Variants in ACAD11 observed in about 807,000 individuals in gnomAD.
ACAD11 encodes acyl-CoA dehydrogenase family member 11.
A neutral mutation model predicts 102.2 loss-of-function variants in ACAD11; 83 were observed. The ratio of observed to expected loss-of-function variants is 0.81; its 90% CI spans 0.68 to 0.97. The LOEUF (loss-of-function observed/expected upper bound fraction) is 0.97, where lower values mean the gene tolerates loss of function less well. Among genes scored for constraint, ACAD11 ranks in the 50% least tolerant of loss-of-function variants. The probability of loss-of-function intolerance (pLI) is 0.00; values close to 1 mark genes in which losing one functional copy is unlikely to be tolerated. For missense variants in ACAD11, 901 were observed against 951.7 expected (o/e 0.95, Z 0.70); for synonymous variants, 324 against 319.8 (o/e 1.01, Z -0.14).
rs375293560 is a variant in ACAD11, at chr3:132,583,019, G to GA, written c.1622-3462_1622-3461insT. ...TATTGGTCTAAAATTCTGTTTTTTT[G>GA]TTGTGTCTCTGCCAGGCTTTGGTAT... On this transcript the variant is annotated intron_variant, in intron 13 of 19. Coordinates refer to ENST00000264990, the MANE Select transcript of ACAD11 (RefSeq NM_032169.5). Among the ~76,000 whole-genome samples the GA allele has an allele frequency of 1.1e-3, 164 of 152,192 alleles. 1 individual carries two copies. The highest frequency in any genetic ancestry group is 3.8e-3 in the African/African-American group (156 of 41,550).
Position 132,558,830 on chromosome 3 carries a change from T to C in ACAD11, c.*141A>G, listed in dbSNP as rs1045430507. ...AAATAATAAAACCCACTGATCAAAA[T>C]AGATGCTATAATCTTTACCACAAAT... On this transcript the variant is annotated 3_prime_UTR_variant, in exon 20 of 20. Coordinates refer to ENST00000264990, the MANE Select transcript of ACAD11 (RefSeq NM_032169.5). 24 of 632,796 alleles carry C rather than the reference T, an allele frequency of 3.8e-5. No individual in the cohort carries two copies. The highest frequency in any genetic ancestry group is 3.0e-4 in the South Asian group (14 of 47,316). The allele number at this position is 632,796 out of a possible 1,614,324, so 39.2% of individuals were successfully genotyped here.
intron 14 of ACAD11, 27 bp downstream of exon 14, chr3:132,579,465 G>A (rs1180312601): frequency 1.3e-6 from 2 of 1,588,866 alleles, no homozygotes; most frequent in Non-Finnish European, 1.7e-6. Flanking sequence ...TCCTACACAG[G>A]TTTCTCAATC....
chr3:132,635,520 G>C (rs1298705645), intron 5 of ACAD11, among the ~76,000 whole-genome samples: 1 of 152,130 alleles, frequency 6.6e-6, no homozygotes, highest in Non-Finnish European at 1.5e-5. Flanking sequence ...AGACAGGCCT[G>C]TATTCAGACC....
chr3:132,587,744 A>C (rs568143051), intron 13 of ACAD11, among the ~76,000 whole-genome samples: 1 of 152,266 alleles, frequency 6.6e-6, no homozygotes, highest in African/African-American at 2.4e-5. Flanking sequence ...TTTTGTTTTG[A>C]CAGGCAATTA....
At chr3:132,570,945 A>C (rs1414804803) in intron 17 of ACAD11, among the ~76,000 whole-genome samples, 1 of 152,192 alleles carries the variant, frequency 6.6e-6, no homozygotes, top group East Asian at 1.9e-4. Flanking sequence ...TGTCTTCACT[A>C]TTATGAATAG....
chr3:132,569,243 A>T (rs1369767275), intron 17 of ACAD11, among the ~76,000 whole-genome samples: 1 of 152,184 alleles, frequency 6.6e-6, no homozygotes, highest in Non-Finnish European at 1.5e-5. Flanking sequence ...GCTCAACATG[A>T]TTCACCAACA....
intron 13 of ACAD11, among the ~76,000 whole-genome samples, chr3:132,589,312 T>G (rs1248672290): frequency 6.6e-6 from 1 of 152,220 alleles, no homozygotes; most frequent in African/African-American, 2.4e-5. Flanking sequence ...TAGGATGATT[T>G]AATGGCAGAT....
At chr3:132,610,502 A>C (rs60180612) in intron 11 of ACAD11, among the ~76,000 whole-genome samples, 10,050 of 152,186 alleles carry the variant, frequency 0.066, 1,116 homozygotes, top group African/African-American at 0.23. Context: ...GAAAAGAGAG[A>C]AGAATCAAAT....
chr3:132,598,039 CA>C (rs1301706181), intron 13 of ACAD11, among the ~76,000 whole-genome samples: 1 of 151,872 alleles, frequency 6.6e-6, no homozygotes, highest in South Asian at 2.1e-4. Context: ...TATATTCATT[CA>C]AAAAAAGTTA....
chr3:132,628,910 A>G (rs939084838), intron 7 of ACAD11, among the ~76,000 whole-genome samples: 2 of 152,244 alleles, frequency 1.3e-5, no homozygotes, highest in African/African-American at 4.8e-5. Context: ...AAACAGTGTT[A>G]GTTGAATGCT....
At chr3:132,589,296 G>A (rs1937976016) in intron 13 of ACAD11, among the ~76,000 whole-genome samples, 1 of 152,156 alleles carries the variant, frequency 6.6e-6, no homozygotes, top group South Asian at 2.1e-4. Flanking sequence ...CCAACCCAAA[G>A]AACATTAGGA....
chr3:132,653,816 A>C (rs534682848), intron 1 of ACAD11, among the ~76,000 whole-genome samples: 1 of 152,098 alleles, frequency 6.6e-6, no homozygotes, highest in Admixed American at 6.5e-5. Context: ...CTAACTTCTT[A>C]ATATTGGGGT....
At chr3:132,597,917 T>A (rs115763475) in intron 13 of ACAD11, among the ~76,000 whole-genome samples, 2,384 of 152,252 alleles carry the variant, frequency 0.016, 17 homozygotes, top group South Asian at 0.048. Flanking sequence ...TGGAACTTTT[T>A]AAGTAACTTT....
chr3:132,636,055 G>C (rs1940262204), intron 5 of ACAD11, among the ~76,000 whole-genome samples: 1 of 151,986 alleles, frequency 6.6e-6, no homozygotes, highest in Non-Finnish European at 1.5e-5. Context: ...AACTTCTCTG[G>C]AGTTACTTTT....
intron 13 of ACAD11, among the ~76,000 whole-genome samples, chr3:132,588,697 C>T (rs1370999247): frequency 1.3e-5 from 2 of 152,138 alleles, no homozygotes; most frequent in African/African-American, 2.4e-5. Context: ...TCAGAAAGGA[C>T]CATCCTCATT....
chr3:132,636,462 A>G (rs1576611380), intron 5 of ACAD11, among the ~76,000 whole-genome samples: 1 of 151,110 alleles, frequency 6.6e-6, no homozygotes, highest in Non-Finnish European at 1.5e-5. Flanking sequence ...CAAAAAATAC[A>G]TACAATCCAA....
chr3:132,576,917 G>A, intron 16 of ACAD11, 27 bp downstream of exon 16: 3 of 1,504,008 alleles, frequency 2.0e-6, no homozygotes, highest in Non-Finnish European at 2.8e-6. Context: ...GTACAATACT[G>A]AAGAATCATT....
At chr3:132,612,338 T>C (rs1189985171) in intron 11 of ACAD11, among the ~76,000 whole-genome samples, 8 of 151,832 alleles carry the variant, frequency 5.3e-5, no homozygotes, top group Non-Finnish European at 7.4e-5. Context: ...GTCTAAAACA[T>C]CAAAAGCAAT....
At chr3:132,586,681 A>G (rs1390276880) in intron 13 of ACAD11, among the ~76,000 whole-genome samples, 1 of 152,228 alleles carries the variant, frequency 6.6e-6, no homozygotes, top group South Asian at 2.1e-4. Context: ...TATTAGATAA[A>G]ATAAGAAACT....
Sources: gnomAD v4.1 joint callset for allele counts (sites outside exome capture counted in the v4.1 genomes callset) on GRCh38, gnomAD v4.1.1 for gene constraint, MANE v1.5 for transcripts, NCBI Gene and HGNC (gene_info 2026-07-23, HGNC 2026-07-21) for gene names.